Variants in RXRG observed in about 807,000 individuals in gnomAD.
The protein encoded by RXRG is retinoic acid receptor RXR-gamma.
RXRG carries 19 observed loss-of-function variants against 49.2 expected under a neutral mutation model. That is an observed-to-expected ratio of 0.39 (90% CI 0.27 to 0.57). RXRG has a LOEUF of 0.57. Ranked by LOEUF, RXRG falls within the 20% of genes least tolerant of loss-of-function variation. The pLI is 0.64. For synonymous variants in RXRG, 224 were observed against 216.6 expected (o/e 1.03, Z -0.30); for missense variants, 452 against 592.5 (o/e 0.76, Z 2.46).
intron 2 of RXRG, among the ~76,000 whole-genome samples, chr1:165,420,584 GA>G (rs1658282376): frequency 6.6e-6 from 1 of 152,152 alleles, no homozygotes; most frequent in Non-Finnish European, 1.5e-5. Context: ...GGTAAAATGA[GA>G]AAGGACATGT....
chr1:165,401,320 G>A lies in RXRG; in HGVS notation c.1335C>T (p.Asp445=). 6.2e-7 allele frequency: 1 copy of A among 1,614,122 alleles called. No homozygotes were observed. The highest frequency in any genetic ancestry group is 1.3e-5 in the African/African-American group (1 of 75,042). Residue 445 remains aspartate, a synonymous_variant, in exon 10 of 10, where the codon GAC becomes GAT. Coordinates refer to ENST00000359842, the MANE Select transcript of RXRG (RefSeq NM_006917.5). The stretch of plus-strand genomic sequence containing the variant: ...CCATGAGGAAGGTGTCAATGGGGGT[G>A]TCCCCGATGAGCTTGAAGAAGAAGA... ...EHLFFFKLIG[D]TPIDTFLMEM... is the part of the protein sequence containing the mutation.
At chr1:165,410,611 A>T (rs1657912470) in intron 6 of RXRG, 91 bp downstream of exon 6, 2 of 1,423,468 alleles carry the variant, frequency 1.4e-6, no homozygotes, top group Non-Finnish European at 2.0e-6. Context: ...CATAGCTTGG[A>T]CATGTTGCAG....
chr1:165,408,714 C>G (rs1053296199), intron 7 of RXRG, among the ~76,000 whole-genome samples: 1 of 152,148 alleles, frequency 6.6e-6, no homozygotes, highest in Non-Finnish European at 1.5e-5. Context: ...ATTCAATGAA[C>G]TGGTAGAAAG....
chr1:165,402,661 C>T (rs1194194827), intron 9 of RXRG, among the ~76,000 whole-genome samples: 2 of 152,012 alleles, frequency 1.3e-5, no homozygotes, highest in African/African-American at 4.8e-5. Context: ...TACACACACA[C>T]CCTCACACAT....
At position 165,419,966 on chromosome 1, in the gene RXRG, G is replaced by T. The variant is rs571691252; in HGVS notation, c.346C>A (p.Pro116Thr). Residue 116 changes from proline to threonine, a missense_variant, in exon 3 of 10, where the codon CCA becomes ACA. This residue lies in a region of RXRG where 166 missense variants were observed against 151.7 expected (regional missense o/e 1.09). Transcript: ENST00000359842. ...VSSSEDIKPLPGLPGIGNMNY... is the reference protein window; with the variant it reads ...VSSSEDIKPLTGLPGIGNMNY... ...ATGTTTCCAATCCCGGGAAGCCCTG[G>T]TAAGGGCTTGATGTCCTCTGAACTG... 1.2e-6 allele frequency: 2 copies of T among 1,612,784 alleles called. No homozygotes were observed. The highest frequency in any genetic ancestry group is 3.3e-5 in the Admixed American group (2 of 59,954).
chr1:165,416,725 G>T (rs79595131), intron 4 of RXRG, among the ~76,000 whole-genome samples: 2,058 of 152,232 alleles, frequency 0.014, 49 homozygotes, highest in African/African-American at 0.047. Flanking sequence ...AAAAGGAGAC[G>T]GTCCAGTTTG....
At chr1:165,415,055 G>T (rs956872383) in intron 4 of RXRG, among the ~76,000 whole-genome samples, 1 of 152,182 alleles carries the variant, frequency 6.6e-6, no homozygotes, top group African/African-American at 2.4e-5. Context: ...ACAAGTGTTA[G>T]ATCATGATAA....
At position 165,410,835 on chromosome 1, in the gene RXRG, A is replaced by G; in HGVS notation, c.784-4T>C. 1 of 1,614,108 alleles carries G rather than the reference A, an allele frequency of 6.2e-7. No individual in the cohort carries two copies. On this transcript the variant is annotated splice_region_variant and splice_polypyrimidine_tract_variant and intron_variant, in intron 5 of 9. Transcript: ENST00000359842. ...TGTTGGTAACAGGGTCATTTGTCTG[A>G]AAAAGGAACAAAGTACTGTGAGGCA...
intron 2 of RXRG, among the ~76,000 whole-genome samples, chr1:165,423,676 C>T (rs980058106): frequency 5.3e-5 from 8 of 150,780 alleles, no homozygotes; most frequent in Non-Finnish European, 7.4e-5. Context: ...CTCTATTTCC[C>T]CATTTCTAGG....
chr1:165,411,026 C>T lies in RXRG; in HGVS notation c.706G>A (p.Val236Met), dbSNP rs1050675419. The stretch of plus-strand genomic sequence containing the variant: ...AGTTCAGCTTCTAGAATCCTCTCCA[C>T]AGGCATGTCTTCATGACCACTGGTA... Reference protein sequence around the residue: ...CATSGHEDMPVERILEAELAV... With the variant: ...CATSGHEDMPMERILEAELAV... The change falls in exon 5 of 10, where the codon GTG becomes ATG. Residue 236 changes from valine to methionine, a missense_variant. Val to Met is a conservative substitution (Grantham distance 21). Around this residue, in one of 2 missense-constraint regions of RXRG, gnomAD observed 286 missense variants for 440.9 expected, o/e 0.65. Transcript: ENST00000359842. 6.2e-7 allele frequency: 1 copy of T among 1,614,056 alleles called. No homozygotes were observed. Among genetic ancestry groups the T allele is most frequent in the African/African-American group, 1.3e-5 (1 of 74,938 alleles).
rs181540972 is a variant in RXRG, at chr1:165,420,254, C to T, written c.298-240G>A. Among the ~76,000 whole-genome samples the T allele has an allele frequency of 2.0e-5, 3 of 152,282 alleles. No homozygotes were observed. In the East Asian group the frequency reaches 5.8e-4, roughly 29 times the overall value. ...TAAACCAAAAATCACAACACATCTC[C>T]ATTAGAGTCTATCTGCTTTTATTCA... On this transcript the variant is annotated intron_variant, in intron 2 of 9. Transcript: ENST00000359842.
At chr1:165,406,209 TCAGAGATCTGCTAGACC>T (rs1657744647) in intron 9 of RXRG, among the ~76,000 whole-genome samples, 5 of 123,848 alleles carry the variant, frequency 4.0e-5, no homozygotes, top group Non-Finnish European at 5.7e-5. Context: ...CTAGATGGCC[TCAGAGATCTGCTAGACC>T]AACATCCACC....
chr1:165,430,031 C>A (rs1025917290), intron 1 of RXRG, among the ~76,000 whole-genome samples: 2 of 152,194 alleles, frequency 1.3e-5, no homozygotes, highest in Non-Finnish European at 2.9e-5. Context: ...GATCCCTGTG[C>A]AGCTAGCATG....
intron 2 of RXRG, among the ~76,000 whole-genome samples, chr1:165,425,845 C>T (rs1286007472): frequency 3.9e-5 from 6 of 152,224 alleles, no homozygotes; most frequent in Admixed American, 2.0e-4. Context: ...CATAATGTGG[C>T]CACCTCTCCC....
intron 9 of RXRG, among the ~76,000 whole-genome samples, chr1:165,404,861 C>A (rs1264331191): frequency 6.6e-6 from 1 of 152,084 alleles, no homozygotes; most frequent in Non-Finnish European, 1.5e-5. Context: ...CCGGTTCAAG[C>A]GATTCTCCTA....
At chr1:165,412,062 C>A (rs946448793) in intron 4 of RXRG, among the ~76,000 whole-genome samples, 2 of 152,204 alleles carry the variant, frequency 1.3e-5, no homozygotes, top group Admixed American at 1.3e-4. Flanking sequence ...ACTAGCAGCT[C>A]CTATTTCTGT....
intron 1 of RXRG, 146 bp downstream of exon 1, chr1:165,444,699 G>C: frequency 1.5e-6 from 1 of 685,204 alleles, no homozygotes; most frequent in Non-Finnish European, 2.6e-6. Flanking sequence ...GCACACACAC[G>C]CTGAAACGCT....
At chr1:165,402,211 A>G (rs1657600114) in intron 9 of RXRG, among the ~76,000 whole-genome samples, 1 of 152,046 alleles carries the variant, frequency 6.6e-6, no homozygotes, top group African/African-American at 2.4e-5. Context: ...CAGCCTCCCA[A>G]GTAGCTGCGA....
At position 165,444,900 on chromosome 1, in the gene RXRG, T is replaced by C. The variant is rs780699115; in HGVS notation, c.-7A>G. The C allele has an allele frequency of 5.0e-6, 8 of 1,609,526 alleles. No individual in the cohort carries two copies. The South Asian group carries it at 6.6e-5, about 13-fold the overall frequency. On this transcript the variant is annotated 5_prime_UTR_variant, in exon 1 of 10. Transcript: ENST00000359842. ...GAGAATAATTTCCATACATGTTTAC[T>C]CGTCAGTTCATGTTCCTCTCCTGTG...
Sources: gnomAD v4.1 joint callset for allele counts (sites outside exome capture counted in the v4.1 genomes callset) on GRCh38, gnomAD v4.1.1 for gene constraint, gnomAD v4.1.1 regional missense constraint, MANE v1.5 for transcripts, NCBI Gene and HGNC (gene_info 2026-07-23, HGNC 2026-07-21) for gene names.